The following KCNJ12 variants were observed in gnomAD, a reference collection of about 807,000 sequenced individuals.
KCNJ12 encodes the protein ATP-sensitive inward rectifier potassium channel 12.
Under a neutral mutation model 22.3 loss-of-function variants are expected in KCNJ12, and 2 were observed. The ratio of observed to expected loss-of-function variants is 0.09; its 90% CI spans 0.04 to 0.28. The LOEUF is 0.28. KCNJ12 is among the 10% of genes least tolerant of loss of function. The pLI is 1.00. For missense variants in KCNJ12, 155 were observed against 633.3 expected (o/e 0.24, Z 8.11); for synonymous variants, 117 against 261.4 (o/e 0.45, Z 5.33).
intron 2 of KCNJ12, 58 bp downstream of exon 2, chr17:21,408,698 CTCA>C (rs1329873778): frequency 2.0e-5 from 3 of 152,354 alleles, no homozygotes; most frequent in African/African-American, 7.2e-5. Flanking sequence ...CCACCAGACT[CTCA>C]TCTGTACATC....
chr17:21,403,707 A>C (rs1905765088), intron 1 of KCNJ12, among the ~76,000 whole-genome samples: 2 of 152,154 alleles, frequency 1.3e-5, no homozygotes, highest in Non-Finnish European at 2.9e-5. Context: ...AGCTGTGATG[A>C]AGGGAGAGGG....
intron 1 of KCNJ12, among the ~76,000 whole-genome samples, chr17:21,381,040 A>G (rs1904847838): frequency 6.6e-6 from 1 of 152,216 alleles, no homozygotes; most frequent in African/African-American, 2.4e-5. Flanking sequence ...ATCATTGGAC[A>G]TGGTTCCATT....
intron 1 of KCNJ12, among the ~76,000 whole-genome samples, chr17:21,386,052 G>A (rs1448193790): frequency 1.3e-5 from 2 of 152,228 alleles, no homozygotes; most frequent in African/African-American, 2.4e-5. Context: ...ATCAGAGGGC[G>A]GCAAGCCAGT....
intron 2 of KCNJ12, among the ~76,000 whole-genome samples, chr17:21,409,438 C>T (rs1270205832): frequency 3.9e-5 from 6 of 152,302 alleles, no homozygotes; most frequent in South Asian, 2.1e-4. Flanking sequence ...AAGTAGTTTC[C>T]TGGGAGGTGA....
intron 1 of KCNJ12, among the ~76,000 whole-genome samples, chr17:21,382,573 T>C (rs2144762685): frequency 6.6e-6 from 1 of 152,344 alleles, no homozygotes; most frequent in Non-Finnish European, 1.5e-5. Context: ...CCAGCGGCTT[T>C]AGTGGCCAGC....
At chr17:21,415,174 C>T (rs61489599) in intron 2 of KCNJ12, 113 bp from the exon 3 acceptor site, 23,805 of 1,090,374 alleles carry the variant, frequency 0.022, no homozygotes, top group East Asian at 0.1. Flanking sequence ...AGAGCACGAT[C>T]GTGGGTCAAT....
At chr17:21,387,179 CAAG>C (rs1435282792) in intron 1 of KCNJ12, among the ~76,000 whole-genome samples, 1 of 144,538 alleles carries the variant, frequency 6.9e-6, no homozygotes, top group Non-Finnish European at 1.5e-5. Flanking sequence ...AAAACAAAAA[CAAG>C]AAACGTGCTC....
intron 1 of KCNJ12, among the ~76,000 whole-genome samples, chr17:21,400,536 G>C (rs1336072232): frequency 9.2e-5 from 14 of 152,398 alleles, no homozygotes; most frequent in African/African-American, 3.4e-4. Flanking sequence ...AGCCTCAAAC[G>C]GGTTTGGTGC....
intron 2 of KCNJ12, 52 bp from the exon 3 acceptor site, chr17:21,415,235 G>A (rs1306796435): frequency 4.6e-6 from 7 of 1,512,824 alleles, no homozygotes; most frequent in African/African-American, 2.8e-5. Context: ...GATGGGGGTA[G>A]AGGAGCCCGG....
At position 21,416,796 on chromosome 17, in the gene KCNJ12, C is replaced by G. The variant is rs1567709697; in HGVS notation, c.*152C>G. The G allele has an allele frequency of 7.3e-7, 1 of 1,370,620 alleles. No individual in the cohort carries two copies. The highest frequency in any genetic ancestry group is 9.7e-7 in the Non-Finnish European group (1 of 1,029,404). The allele number at this position is 1,370,620 out of a possible 1,614,324, so 84.9% of individuals were successfully genotyped here. ...GTTTTATGTTTCTTTGCAACGGCCTCAGAAGTTTGGCCGGAGAGGGGGCAG... is the reference window on the plus strand; with the variant it reads ...GTTTTATGTTTCTTTGCAACGGCCTGAGAAGTTTGGCCGGAGAGGGGGCAG... On this transcript the variant is annotated 3_prime_UTR_variant, in exon 3 of 3. Coordinates refer to ENST00000583088, the MANE Select transcript of KCNJ12 (RefSeq NM_021012.5).
chr17:21,396,783 G>A (rs919340033), intron 1 of KCNJ12, among the ~76,000 whole-genome samples: 2 of 152,250 alleles, frequency 1.3e-5, no homozygotes, highest in African/African-American at 4.8e-5. Context: ...GCATCCAGGG[G>A]TGGGGCTAAG....
At chr17:21,380,484 T>A (rs1904826766) in intron 1 of KCNJ12, among the ~76,000 whole-genome samples, 1 of 152,188 alleles carries the variant, frequency 6.6e-6, no homozygotes, top group Non-Finnish European at 1.5e-5. Flanking sequence ...GAGGCAGATG[T>A]TGCCACCAAG....
chr17:21,401,510 G>A lies in KCNJ12; in HGVS notation c.-178-7009G>A, dbSNP rs1290183176. Reference sequence around the variant, plus strand: ...GACAGCCATGCTTTCTTCCTGCAGGGGCCACCCTGCTGTGAGCAGTTCATA... The same window carrying A: ...GACAGCCATGCTTTCTTCCTGCAGGAGCCACCCTGCTGTGAGCAGTTCATA... On this transcript the variant is annotated intron_variant, in intron 1 of 2. Transcript: ENST00000583088. 5.3e-5 allele frequency among the ~76,000 whole-genome samples: 8 copies of A among 152,320 alleles called. No homozygotes were observed. In the East Asian group the frequency reaches 1.5e-3, roughly 29 times the overall value.
intron 2 of KCNJ12, among the ~76,000 whole-genome samples, chr17:21,410,182 T>C (rs1164357727): frequency 6.6e-6 from 1 of 152,188 alleles, no homozygotes; most frequent in Non-Finnish European, 1.5e-5. Context: ...CAGCCTAGCC[T>C]TGATGTGGTC....
chr17:21,390,226 C>G (rs1264128997), intron 1 of KCNJ12, among the ~76,000 whole-genome samples: 1 of 152,198 alleles, frequency 6.6e-6, no homozygotes, highest in Non-Finnish European at 1.5e-5. Context: ...CTTGCCCACC[C>G]AAGGCTATCG....
chr17:21,399,923 C>T (rs79734730), intron 1 of KCNJ12, among the ~76,000 whole-genome samples: 4 of 152,152 alleles, frequency 2.6e-5, no homozygotes, highest in African/African-American at 7.2e-5. Context: ...GTGTTCCTGA[C>T]GCACAGCAGT....
intron 2 of KCNJ12, 110 bp downstream of exon 2, chr17:21,408,750 C>T (rs1342917135): frequency 1.3e-5 from 2 of 152,252 alleles, no homozygotes; most frequent in Non-Finnish European, 2.9e-5. Context: ...TTTCATCACC[C>T]ATTCCCCCAC....
Position 21,388,719 on chromosome 17 carries a change from C to T in KCNJ12, c.-179+11806C>T, listed in dbSNP as rs140349714. Among the ~76,000 whole-genome samples, 119 of 152,310 alleles carry T rather than the reference C, an allele frequency of 7.8e-4. 1 individual carries two copies. Among genetic ancestry groups the T allele is most frequent in the African/African-American group, 2.6e-3 (107 of 41,562 alleles). On this transcript the variant is annotated intron_variant, in intron 1 of 2. Coordinates refer to ENST00000583088, the MANE Select transcript of KCNJ12 (RefSeq NM_021012.5). The stretch of plus-strand genomic sequence containing the variant: ...CCAGGCGCTGTGCTCAGTGCTTTCC[C>T]GAACATTATCTCACTGAATTCTCAA...
At chr17:21,379,460 G>T (rs1904788796) in intron 1 of KCNJ12, among the ~76,000 whole-genome samples, 1 of 152,194 alleles carries the variant, frequency 6.6e-6, no homozygotes, top group Non-Finnish European at 1.5e-5. Context: ...GGTGCAGCTG[G>T]TGCCTGTGGC....
Sources: allele counts gnomAD v4.1 joint callset (sites outside exome capture counted in the v4.1 genomes callset), GRCh38; gene constraint gnomAD v4.1.1; transcripts MANE v1.5; gene names NCBI Gene and HGNC (gene_info 2026-07-23, HGNC 2026-07-21).